AGAP1: variants seen among roughly 807,000 people sequenced by gnomAD.
The protein encoded by AGAP1 is ArfGAP with GTPase domain, ankyrin repeat and PH domain 1.
AGAP1 carries 29 observed loss-of-function variants against 105.3 expected under a neutral mutation model. The observed-to-expected ratio is 0.28, with a 90% CI of 0.21 to 0.38. AGAP1 has a LOEUF of 0.38. Among genes scored for constraint, AGAP1 ranks in the 10% least tolerant of loss-of-function variants. AGAP1 has a pLI of 1.00. For synonymous variants in AGAP1, 509 were observed against 485.9 expected (o/e 1.05, Z -0.63); for missense variants, 998 against 1,165.1 (o/e 0.86, Z 2.09).
chr2:235,907,560 C>T (rs1281718353), intron 10 of AGAP1, among the ~76,000 whole-genome samples: 2 of 152,160 alleles, frequency 1.3e-5, no homozygotes, highest in Non-Finnish European at 2.9e-5. Flanking sequence ...AAAGAAAGAG[C>T]ATATTTATTC....
rs1454567531 is a variant in AGAP1, at chr2:236,090,587, T to G, written c.2115-29605T>G. 6.6e-6 allele frequency among the ~76,000 whole-genome samples: 1 copy of G among 152,208 alleles called. No homozygotes were observed. The highest frequency in any genetic ancestry group is 1.5e-5 in the Non-Finnish European group (1 of 68,040). ...GGAGGCCTTCCTCCTGCAGCGTGTT[T>G]CCAGTTGTTCGGATTTTTGTGTTAT... On this transcript the variant is annotated intron_variant, in intron 16 of 17. Coordinates refer to ENST00000304032, the MANE Select transcript of AGAP1 (RefSeq NM_001037131.3). This position sits in a 1 kb window ranked among gnomAD's most constrained non-coding sequence, Gnocchi z 4.3.
chr2:235,740,463 C>T lies in AGAP1; in HGVS notation c.311-500C>T, dbSNP rs1210744489. Among the ~76,000 whole-genome samples the T allele has an allele frequency of 2.6e-5, 4 of 152,194 alleles. No individual in the cohort carries two copies. The highest frequency in any genetic ancestry group is 4.4e-5 in the Non-Finnish European group (3 of 68,042). On this transcript the variant is annotated intron_variant, in intron 3 of 17. Transcript: ENST00000304032. This position sits in a 1 kb window ranked among gnomAD's most constrained non-coding sequence, Gnocchi z 5.7. Reference sequence around the variant, plus strand: ...CCCTCCCTAATTGTGGCCTGTGACTCTGGAAACACCATTCTCATGATGTTC... The same window carrying T: ...CCCTCCCTAATTGTGGCCTGTGACTTTGGAAACACCATTCTCATGATGTTC...
intron 16 of AGAP1, among the ~76,000 whole-genome samples, chr2:236,098,620 CTTTTT>C (rs34419216): frequency 6.9e-4 from 79 of 115,212 alleles, no homozygotes; most frequent in Admixed American, 1.2e-3. Flanking sequence ...TCTTTTTTTC[CTTTTT>C]TTTTTTTTTT....
chr2:235,533,134 G>T (rs1044850604), intron 1 of AGAP1, among the ~76,000 whole-genome samples: 1 of 152,174 alleles, frequency 6.6e-6, no homozygotes, highest in Non-Finnish European at 1.5e-5. Flanking sequence ...TCGCGGATGT[G>T]GAGTTACAGC....
chr2:235,767,777 C>CTTTTTTTT (rs71414307), intron 6 of AGAP1, among the ~76,000 whole-genome samples: 4 of 62,046 alleles, frequency 6.4e-5, no homozygotes, highest in African/African-American at 6.4e-5. Flanking sequence ...AGTTTCTTGT[C>CTTTTTTTT]TTTTTTTTTT....
At chr2:235,763,073 C>CTGTGTGTGTGTGTGTGT (rs1411019322) in intron 6 of AGAP1, among the ~76,000 whole-genome samples, 8 of 148,770 alleles carry the variant, frequency 5.4e-5, no homozygotes, top group African/African-American at 2.0e-4. Context: ...CGCGCGCACA[C>CTGTGTGTGTGTGTGTGT]GTGCACCTGC....
chr2:235,765,916 G>A (rs1159447482), intron 6 of AGAP1, among the ~76,000 whole-genome samples: 1 of 152,238 alleles, frequency 6.6e-6, no homozygotes, highest in South Asian at 2.1e-4. Flanking sequence ...CTCTAGATGT[G>A]TAGAATTTCA....
intron 9 of AGAP1, among the ~76,000 whole-genome samples, chr2:235,809,223 A>G (rs1476180435): frequency 1.3e-5 from 2 of 152,130 alleles, no homozygotes; most frequent in African/African-American, 4.8e-5. Context: ...GGAGGGGGCT[A>G]GCTTTGCAGG....
chr2:235,808,748 T>C (rs1957974097), intron 9 of AGAP1, among the ~76,000 whole-genome samples: 1 of 152,118 alleles, frequency 6.6e-6, no homozygotes, highest in Non-Finnish European at 1.5e-5. Context: ...GGGCCGCAAA[T>C]ATATGGATTG....
rs1358105184 is a variant in AGAP1 at position 235,957,348 on chromosome 2, TC to T, written c.1484-11112del. ...TCCTGTGTGTTCTCTTGGTTCTGGC[TC>T]CTCCTATTGTATTCCTTTCCTCCCC... On this transcript the variant is annotated intron_variant, in intron 12 of 17. Transcript: ENST00000304032. This position sits in a 1 kb window ranked among gnomAD's most constrained non-coding sequence, Gnocchi z 4.6. Among the ~76,000 whole-genome samples, 3 of 152,226 alleles carry T rather than the reference TC, an allele frequency of 2.0e-5. No individual in the cohort carries two copies. Among genetic ancestry groups the T allele is most frequent in the African/African-American group, 7.2e-5 (3 of 41,454 alleles).
At chr2:236,103,998 G>C (rs1431509564) in intron 16 of AGAP1, among the ~76,000 whole-genome samples, 1 of 152,248 alleles carries the variant, frequency 6.6e-6, no homozygotes, top group Non-Finnish European at 1.5e-5. Context: ...CTATGTCCCT[G>C]AGATGTGGAG....
intron 16 of AGAP1, among the ~76,000 whole-genome samples, chr2:236,111,874 C>T (rs2059654312): frequency 2.0e-5 from 3 of 152,168 alleles, no homozygotes; most frequent in African/African-American, 7.2e-5. Flanking sequence ...CCATGGCATC[C>T]CCCAGTCACT....
At chr2:235,584,960 C>T (rs1235915951) in intron 1 of AGAP1, among the ~76,000 whole-genome samples, 4 of 133,356 alleles carry the variant, frequency 3.0e-5, no homozygotes, top group East Asian at 2.3e-4. Context: ...TCCTTTTAGG[C>T]GTCACCCCCC....
intron 10 of AGAP1, among the ~76,000 whole-genome samples, chr2:235,897,660 C>A (rs549257518): frequency 1.3e-5 from 2 of 152,216 alleles, no homozygotes; most frequent in South Asian, 2.1e-4. Context: ...GCCAAAAATT[C>A]TTACACAAGG....
chr2:235,738,847 C>CG (rs1324418794), intron 3 of AGAP1, among the ~76,000 whole-genome samples: 2 of 152,080 alleles, frequency 1.3e-5, no homozygotes, highest in Non-Finnish European at 2.9e-5. Context: ...TGTGAGCCAC[C>CG]GCGCCCAGCC....
chr2:235,920,768 A>G (rs1253035157), intron 11 of AGAP1, among the ~76,000 whole-genome samples: 2 of 152,262 alleles, frequency 1.3e-5, no homozygotes, highest in Admixed American at 6.5e-5. Context: ...AAAGACAAAC[A>G]AGATTAGCAA....
In AGAP1 at chr2:235,552,300, CG is replaced by C. The variant is rs1943840294; in HGVS notation, c.163+57455del. On this transcript the variant is annotated intron_variant, in intron 1 of 17. Coordinates refer to ENST00000304032, the MANE Select transcript of AGAP1 (RefSeq NM_001037131.3). This position sits in a 1 kb window ranked among gnomAD's most constrained non-coding sequence, Gnocchi z 5.9. The stretch of plus-strand genomic sequence containing the variant: ...AGACATTGGTGCCAAGAAATCCTAT[CG>C]GGGACATTTAATAACTGGAAGTAGC... Among the ~76,000 whole-genome samples the C allele has an allele frequency of 6.6e-6, 1 of 152,158 alleles. No individual in the cohort carries two copies. The highest frequency in any genetic ancestry group is 2.4e-5 in the African/African-American group (1 of 41,442).
rs1040789295 is a variant in AGAP1, at chr2:235,551,126, G to T, written c.163+56277G>T. Among the ~76,000 whole-genome samples, 3 of 152,250 alleles carry T rather than the reference G, an allele frequency of 2.0e-5. No homozygotes were observed. The South Asian group carries it at 6.2e-4, about 32-fold the overall frequency. Reference sequence around the variant, plus strand: ...TGCTTCTGAGGAAGAGAAGTGGGGGGTCGGGGGCATCCCACCTCCCTGGCC... The same window carrying T: ...TGCTTCTGAGGAAGAGAAGTGGGGGTTCGGGGGCATCCCACCTCCCTGGCC... On this transcript the variant is annotated intron_variant, in intron 1 of 17. Coordinates refer to ENST00000304032, the MANE Select transcript of AGAP1 (RefSeq NM_001037131.3). The surrounding 1 kb of genome is among the most constrained non-coding windows in gnomAD (Gnocchi z 4.8).
At chr2:235,670,950 C>G in intron 1 of AGAP1, 1 of 1,316,976 alleles carries the variant, frequency 7.6e-7, no homozygotes, top group East Asian at 3.1e-5. Context: ...GGCGGGCCCT[C>G]GCCACGGAGC....
Sources: allele counts gnomAD v4.1 joint callset (sites outside exome capture counted in the v4.1 genomes callset), GRCh38; gene constraint gnomAD v4.1.1; non-coding constraint Gnocchi (gnomAD v3.1); transcripts MANE v1.5; gene names NCBI Gene and HGNC (gene_info 2026-07-23, HGNC 2026-07-21).